The following SCFD2 variants were observed in gnomAD, a reference collection of about 807,000 sequenced individuals.
SCFD2 encodes sec1 family domain containing 2, also known as sec1 family domain-containing protein 2.
Under a neutral mutation model 58.9 loss-of-function variants are expected in SCFD2, and 54 were observed. That is an observed-to-expected ratio of 0.92 (90% CI 0.74 to 1.15). The LOEUF is 1.15. Ranked by LOEUF, SCFD2 falls within the 50% of genes most tolerant of loss-of-function variation. The pLI, the probability that SCFD2 is intolerant of heterozygous loss-of-function variation, is 0.00. For missense variants in SCFD2, 805 were observed against 836.6 expected, an observed-to-expected ratio of 0.96 and a Z score of 0.47; for synonymous variants, 321 against 335.9, an observed-to-expected ratio of 0.96 and a Z score of 0.49.
In SCFD2 at chr4:53,145,388, C is replaced by A; in HGVS notation, c.1506G>T (p.Leu502Phe). ...CAGATTCCTCACAGAAGACCTGAGC[C>A]AATGCTTTCTTGACTTTTTCTTCTG... ...CEAEEKVKKA[L>F]AQVFCEESGL... is the part of the protein sequence containing the mutation. Residue 502 changes from leucine (L) to phenylalanine (F), a missense_variant, in exon 5 of 9, where the codon TTG (leucine) becomes TTT (phenylalanine). Leu to Phe is a conservative substitution (Grantham distance 22, BLOSUM62 0). Coordinates refer to ENST00000401642, the MANE Select transcript of SCFD2 (RefSeq NM_152540.4). 7.4e-6 allele frequency: 12 copies of A among 1,614,120 alleles called. No individual in the cohort carries two copies. The highest frequency in any genetic ancestry group is 1.0e-5 in the Non-Finnish European group (12 of 1,180,002).
intron 4 of SCFD2, among the ~76,000 whole-genome samples, chr4:53,219,238 G>A (rs1728966110): frequency 6.6e-6 from 1 of 152,320 alleles, no homozygotes; most frequent in Admixed American, 6.5e-5. Context: ...CCAAGAGGTG[G>A]AGTCTACAGA....
At chr4:53,347,205 A>G (rs538545386) in intron 2 of SCFD2, among the ~76,000 whole-genome samples, 7 of 152,342 alleles carry the variant, frequency 4.6e-5, no homozygotes, top group Admixed American at 2.6e-4. Flanking sequence ...AGCCAATGAC[A>G]GTGTTCAAAA....
intron 2 of SCFD2, among the ~76,000 whole-genome samples, chr4:53,346,315 C>T (rs1431882827): frequency 2.1e-5 from 3 of 143,466 alleles, no homozygotes; most frequent in Non-Finnish European, 4.5e-5. Context: ...ACTCTTGTTG[C>T]CCAGGATGGA....
intron 7 of SCFD2, among the ~76,000 whole-genome samples, chr4:52,905,405 G>A (rs1719320563): frequency 6.6e-6 from 1 of 152,188 alleles, no homozygotes; most frequent in South Asian, 2.1e-4. Context: ...CAAACAAAAT[G>A]GCTCTCCTTT....
At chr4:53,131,694 C>T (rs752245391) in intron 5 of SCFD2, among the ~76,000 whole-genome samples, 3 of 152,188 alleles carry the variant, frequency 2.0e-5, no homozygotes, top group Non-Finnish European at 4.4e-5. Context: ...GCAGGTTACA[C>T]AACTGTGGGC....
chr4:53,258,538 G>GTATATATATATATATATATATATA (rs59321045), intron 4 of SCFD2, among the ~76,000 whole-genome samples: 11 of 119,926 alleles, frequency 9.2e-5, no homozygotes, highest in Non-Finnish European at 1.4e-4. Context: ...TGGTGTGTGT[G>GTATATATATATATATATATATATA]TATATATATA....
At chr4:52,895,912 G>T (rs1001179320) in intron 7 of SCFD2, among the ~76,000 whole-genome samples, 15 of 152,218 alleles carry the variant, frequency 9.9e-5, no homozygotes, top group Admixed American at 3.3e-4. Flanking sequence ...CTGATGGCCA[G>T]TGGTGATGAG....
chr4:53,295,274 CATGGA>C (rs1731987162), intron 3 of SCFD2, among the ~76,000 whole-genome samples: 1 of 152,144 alleles, frequency 6.6e-6, no homozygotes, highest in South Asian at 2.1e-4. Context: ...TATCCATAAG[CATGGA>C]ATGTTTGTCC....
At chr4:53,119,317 C>CA (rs59614870) in intron 5 of SCFD2, among the ~76,000 whole-genome samples, 13,176 of 135,412 alleles carry the variant, frequency 0.097, 857 homozygotes, top group Non-Finnish European at 0.14. Context: ...GACTCCATCT[C>CA]AAAAAAAAAA....
intron 3 of SCFD2, among the ~76,000 whole-genome samples, chr4:53,285,588 AAAC>A (rs774093492): frequency 1.3e-5 from 2 of 151,914 alleles, no homozygotes; most frequent in African/African-American, 2.4e-5. Flanking sequence ...AAACAATAAA[AAAC>A]AACTAAATTT....
intron 4 of SCFD2, among the ~76,000 whole-genome samples, chr4:53,191,557 C>T (rs145587170): frequency 0.018 from 2,775 of 152,052 alleles, 91 homozygotes; most frequent in African/African-American, 0.063. Flanking sequence ...CAGGTGCATG[C>T]CACCGTGCCC....
chr4:53,127,167 T>C (rs1725652995), intron 5 of SCFD2, among the ~76,000 whole-genome samples: 1 of 152,230 alleles, frequency 6.6e-6, no homozygotes, highest in East Asian at 1.9e-4. Context: ...TCATGAAATA[T>C]TTTCTTCACT....
At chr4:53,292,655 G>T (rs1731878560) in intron 3 of SCFD2, among the ~76,000 whole-genome samples, 1 of 152,156 alleles carries the variant, frequency 6.6e-6, no homozygotes, top group African/African-American at 2.4e-5. Context: ...ATTCCTCAAA[G>T]ACCTAGAACC....
chr4:53,034,452 C>T (rs150857463), intron 5 of SCFD2, among the ~76,000 whole-genome samples: 3,992 of 152,182 alleles, frequency 0.026, 81 homozygotes, highest in African/African-American at 0.054. Context: ...CTATTCAACA[C>T]AGTGTTGGAA....
At chr4:52,996,143 C>A (rs1473870866) in intron 5 of SCFD2, among the ~76,000 whole-genome samples, 1 of 152,226 alleles carries the variant, frequency 6.6e-6, no homozygotes, top group Non-Finnish European at 1.5e-5. Context: ...TTTCCTCACA[C>A]ATTTACACCC....
rs144073681 is a variant in SCFD2 at position 53,145,420 on chromosome 4, A to C, written c.1474T>G (p.Cys492Gly). The C allele has an allele frequency of 6.2e-7, 1 of 1,614,004 alleles. No individual in the cohort carries two copies. Among genetic ancestry groups the C allele is most frequent in the Non-Finnish European group, 8.5e-7 (1 of 1,180,008 alleles). ...TTCTTGACTTTTTCTTCTGCTTCAC[A>C]CAGGTCTTTGTCTACCGTGAGCTCT... is the stretch of plus-strand genomic sequence containing the variant. Reference protein sequence around the residue: ...TGELTVDKDLCEAEEKVKKAL... With the variant: ...TGELTVDKDLGEAEEKVKKAL... Residue 492 changes from cysteine (C) to glycine (G), a missense_variant, in exon 5 of 9, where the codon TGT becomes GGT. Coordinates refer to ENST00000401642, the MANE Select transcript of SCFD2 (RefSeq NM_152540.4).
At chr4:53,273,691 G>T in intron 4 of SCFD2, 135 bp downstream of exon 4, 4 of 743,776 alleles carry the variant, frequency 5.4e-6, no homozygotes, top group Non-Finnish European at 5.9e-6. Context: ...TAACTAGGGG[G>T]CACTTAGAGA....
At chr4:52,955,287 C>T (rs1307224557) in intron 5 of SCFD2, among the ~76,000 whole-genome samples, 1 of 152,198 alleles carries the variant, frequency 6.6e-6, no homozygotes, top group Non-Finnish European at 1.5e-5. Flanking sequence ...TCTTCCAGCA[C>T]ACCTTTGGTC....
chr4:53,207,723 G>C (rs1728479375), intron 4 of SCFD2, among the ~76,000 whole-genome samples: 1 of 122,658 alleles, frequency 8.2e-6, no homozygotes, highest in Admixed American at 8.4e-5. Context: ...CTGTGAGTGA[G>C]TTGTCAGGAG....
Sources: gnomAD v4.1 joint callset for allele counts (sites outside exome capture counted in the v4.1 genomes callset) on GRCh38, gnomAD v4.1.1 for gene constraint, MANE v1.5 for transcripts, NCBI Gene and HGNC (gene_info 2026-07-23, HGNC 2026-07-21) for gene names.